Variants in DLG2 observed in about 807,000 individuals in gnomAD.
DLG2 encodes the protein discs large MAGUK scaffold protein 2, also known as disks large homolog 2.
A neutral mutation model predicts 132.5 loss-of-function variants in DLG2; 45 were observed. The ratio of observed to expected loss-of-function variants is 0.34; its 90% CI spans 0.27 to 0.44. The LOEUF is 0.44. DLG2 is among the 20% of genes least tolerant of loss of function. The pLI is 1.00. For synonymous variants in DLG2, 424 were observed against 419.6 expected (o/e 1.01, Z -0.13); for missense variants, 1,045 against 1,196.9 (o/e 0.87, Z 1.87).
At chr11:85,466,404 G>A (rs1311381489) in intron 3 of DLG2, among the ~76,000 whole-genome samples, 1 of 152,106 alleles carries the variant, frequency 6.6e-6, no homozygotes. Flanking sequence ...GTCCTGAATG[G>A]TATTGCCTAG....
chr11:83,671,515 A>T (rs1212018852), intron 18 of DLG2, among the ~76,000 whole-genome samples: 1 of 152,230 alleles, frequency 6.6e-6, no homozygotes, highest in Non-Finnish European at 1.5e-5. Context: ...ACCAAAACAG[A>T]TAATTATCAT....
intron 3 of DLG2, among the ~76,000 whole-genome samples, chr11:85,591,161 G>C (rs547530135): frequency 6.6e-6 from 1 of 152,208 alleles, no homozygotes; most frequent in African/African-American, 2.4e-5. Flanking sequence ...ACTTGATCCT[G>C]CCTGACATGA....
intron 16 of DLG2, among the ~76,000 whole-genome samples, chr11:83,854,505 A>T (rs187890632): frequency 1.2e-4 from 18 of 152,272 alleles, no homozygotes; most frequent in African/African-American, 4.1e-4. Flanking sequence ...GTGAAAGAGG[A>T]GACAAACATG....
Position 84,714,178 on chromosome 11 carries a change from TA to T in DLG2, c.358-179448del, listed in dbSNP as rs535841206. Among the ~76,000 whole-genome samples the T allele has an allele frequency of 4.8e-4, 61 of 127,824 alleles. 1 individual carries two copies. Among genetic ancestry groups the T allele is most frequent in the African/African-American group, 1.5e-3 (41 of 26,454 alleles). The allele number at this position is 127,824 out of a possible 152,430, so 83.9% of individuals were successfully genotyped here. ...TCAATGAACACATGTTACTATAAAA[TA>T]AAAAAAAAACATATACCAAAATGGT... On this transcript the variant is annotated intron_variant, in intron 6 of 27. Transcript: ENST00000376104.
chr11:83,564,509 C>A (rs546641870), intron 19 of DLG2, among the ~76,000 whole-genome samples: 1 of 152,222 alleles, frequency 6.6e-6, no homozygotes, highest in African/African-American at 2.4e-5. Flanking sequence ...CATAATAACC[C>A]AAAATTCATT....
chr11:83,713,699 T>C (rs2086017873), intron 18 of DLG2, among the ~76,000 whole-genome samples: 1 of 152,214 alleles, frequency 6.6e-6, no homozygotes, highest in African/African-American at 2.4e-5. Context: ...GCTTTTAAAA[T>C]GAGGGATGAA....
At chr11:83,869,164 T>G (rs529233638) in intron 16 of DLG2, among the ~76,000 whole-genome samples, 1 of 152,172 alleles carries the variant, frequency 6.6e-6, no homozygotes, top group Non-Finnish European at 1.5e-5. Context: ...TATGTACTGA[T>G]TCAAAGATGA....
intron 7 of DLG2, among the ~76,000 whole-genome samples, chr11:84,295,067 A>G (rs543957653): frequency 6.6e-6 from 1 of 152,326 alleles, no homozygotes; most frequent in African/African-American, 2.4e-5. Context: ...CTAAATAAGT[A>G]TAGTTCTCTG....
chr11:84,104,604 G>A (rs1042830419), intron 9 of DLG2, among the ~76,000 whole-genome samples: 2 of 151,976 alleles, frequency 1.3e-5, no homozygotes, highest in African/African-American at 4.8e-5. Context: ...TTTTAGTGCT[G>A]TTAATAAAAA....
At chr11:85,577,330 T>G (rs75528817) in intron 3 of DLG2, among the ~76,000 whole-genome samples, 5,438 of 152,224 alleles carry the variant, frequency 0.036, 148 homozygotes, top group Admixed American at 0.053. Flanking sequence ...AATGGTAGGA[T>G]TCCGGACTTA....
chr11:84,112,438 T>G (rs115071652), intron 9 of DLG2, among the ~76,000 whole-genome samples: 1 of 151,332 alleles, frequency 6.6e-6, no homozygotes, highest in African/African-American at 2.4e-5. Flanking sequence ...GTTTTTTTTC[T>G]ATTCCAAATC....
chr11:83,916,683 T>C (rs2154116848), intron 15 of DLG2, among the ~76,000 whole-genome samples: 1 of 152,278 alleles, frequency 6.6e-6, no homozygotes, highest in Middle Eastern at 3.4e-3. Context: ...TTGTATAAAG[T>C]GAAGGATAAT....
chr11:84,592,836 G>C (rs959681928), intron 6 of DLG2, among the ~76,000 whole-genome samples: 2 of 145,232 alleles, frequency 1.4e-5, no homozygotes, highest in African/African-American at 5.1e-5. Context: ...AGGATTACAG[G>C]CCTGTAATCC....
chr11:83,804,672 A>G (rs542852248), intron 17 of DLG2, among the ~76,000 whole-genome samples: 3 of 151,832 alleles, frequency 2.0e-5, no homozygotes, highest in East Asian at 3.9e-4. Flanking sequence ...TCAATCTAAC[A>G]TATCAGCAAG....
intron 6 of DLG2, among the ~76,000 whole-genome samples, chr11:84,898,919 A>C (rs1236060116): frequency 6.6e-6 from 1 of 152,050 alleles, no homozygotes; most frequent in African/African-American, 2.4e-5. Flanking sequence ...ACAATTATTC[A>C]TTCATATGCC....
chr11:84,106,985 T>G (rs1417820335), intron 9 of DLG2, among the ~76,000 whole-genome samples: 2 of 44,636 alleles, frequency 4.5e-5, no homozygotes, highest in Admixed American at 2.0e-4. Flanking sequence ...TTAGGGTGTG[T>G]GTGTGTGTGT....
At chr11:84,977,647 T>C (rs988034481) in intron 6 of DLG2, among the ~76,000 whole-genome samples, 1 of 152,160 alleles carries the variant, frequency 6.6e-6, no homozygotes, top group Non-Finnish European at 1.5e-5. Flanking sequence ...CACATATGGA[T>C]AGGAGTCTGT....
chr11:84,209,463 G>C (rs1329174924), intron 8 of DLG2, among the ~76,000 whole-genome samples: 1 of 152,126 alleles, frequency 6.6e-6, no homozygotes. Context: ...TTGGAGTTTA[G>C]TTAATAGTAA....
chr11:85,181,881 C>T (rs1009598765), intron 4 of DLG2, among the ~76,000 whole-genome samples: 2 of 151,390 alleles, frequency 1.3e-5, no homozygotes, highest in Admixed American at 6.6e-5. Context: ...TACAGGCTTC[C>T]AGGAAATGCT....
Sources: gnomAD v4.1 joint callset for allele counts (sites outside exome capture counted in the v4.1 genomes callset) on GRCh38, gnomAD v4.1.1 for gene constraint, MANE v1.5 for transcripts, NCBI Gene and HGNC (gene_info 2026-07-23, HGNC 2026-07-21) for gene names.